Variants in MDGA2 observed in about 807,000 individuals in gnomAD.
MDGA2 encodes the protein MAM domain-containing glycosylphosphatidylinositol anchor protein 2.
In MDGA2, 40 loss-of-function variants were observed where a neutral mutation model predicts 117.8. The observed-to-expected ratio is 0.34, with a 90% CI of 0.26 to 0.44. The LOEUF (loss-of-function observed/expected upper bound fraction) is 0.44, where lower values mean the gene tolerates loss of function less well. MDGA2 is among the 20% of genes least tolerant of loss of function. The pLI, the probability that MDGA2 is intolerant of heterozygous loss-of-function variation, is 1.00. For synonymous variants in MDGA2, 452 were observed against 439.0 expected (o/e 1.03, Z -0.37); for missense variants, 1,123 against 1,250.6 (o/e 0.90, Z 1.54).
chr14:47,168,034 T>G (rs1883957887), intron 3 of MDGA2, among the ~76,000 whole-genome samples: 1 of 152,180 alleles, frequency 6.6e-6, no homozygotes, highest in South Asian at 2.1e-4. Context: ...CATTTTAAAC[T>G]GACCATTGTC....
chr14:47,474,599 C>T (rs1893797147), intron 1 of MDGA2, among the ~76,000 whole-genome samples: 1 of 152,140 alleles, frequency 6.6e-6, no homozygotes, highest in Non-Finnish European at 1.5e-5. Context: ...TACAATGCTA[C>T]AGTAACCAAA....
At chr14:47,413,521 T>C (rs1253153200) in intron 1 of MDGA2, among the ~76,000 whole-genome samples, 1 of 152,196 alleles carries the variant, frequency 6.6e-6, no homozygotes, top group African/African-American at 2.4e-5. Context: ...AATCTTGTTT[T>C]GCTAAATAAT....
intron 9 of MDGA2, among the ~76,000 whole-genome samples, chr14:46,942,095 CTCTT>C (rs763111260): frequency 2.0e-5 from 3 of 152,052 alleles, no homozygotes; most frequent in Non-Finnish European, 2.9e-5. Flanking sequence ...CATTCGCTGT[CTCTT>C]AATGCAAGAA....
intron 9 of MDGA2, among the ~76,000 whole-genome samples, chr14:46,952,487 G>A (rs1885404020): frequency 6.6e-6 from 1 of 151,928 alleles, no homozygotes; most frequent in African/African-American, 2.4e-5. Context: ...TAATTTTCTA[G>A]ACTGTTTAAA....
In MDGA2 at chr14:47,257,703, C is replaced by T. The variant is rs185049067; in HGVS notation, c.421-39508G>A. ...TGATTAGTGAATCACTTTTTATAGT[C>T]CAAGAACTCTACCCAGAAAGCGTCA... On this transcript the variant is annotated intron_variant, in intron 2 of 16. Transcript: ENST00000399232. 4.6e-4 allele frequency among the ~76,000 whole-genome samples: 70 copies of T among 152,130 alleles called. 2 individuals carry two copies. The East Asian group carries it at 8.9e-3, about 19-fold the overall frequency.
chr14:47,310,653 G>C (rs1187446567), intron 1 of MDGA2, among the ~76,000 whole-genome samples: 1 of 151,562 alleles, frequency 6.6e-6, no homozygotes, highest in Non-Finnish European at 1.5e-5. Context: ...ATCCTGAATT[G>C]TCTCCCACTA....
At chr14:47,065,316 C>A (rs1398666557) in intron 6 of MDGA2, among the ~76,000 whole-genome samples, 2 of 152,148 alleles carry the variant, frequency 1.3e-5, no homozygotes, top group East Asian at 3.9e-4. Flanking sequence ...TCAGGCTACA[C>A]AGATGTGCTG....
At chr14:47,206,433 GA>G (rs1049912021) in intron 3 of MDGA2, among the ~76,000 whole-genome samples, 1 of 150,130 alleles carries the variant, frequency 6.7e-6, no homozygotes, top group African/African-American at 2.4e-5. Context: ...TGTACAGAAA[GA>G]AAAAAAAATA....
chr14:46,959,154 T>C (rs1013653161), intron 8 of MDGA2, among the ~76,000 whole-genome samples: 52 of 152,246 alleles, frequency 3.4e-4, no homozygotes, highest in African/African-American at 1.2e-3. Context: ...GGTTATGCTA[T>C]TAAGTATATA....
chr14:47,571,959 T>G (rs961879152), intron 1 of MDGA2, among the ~76,000 whole-genome samples: 1 of 152,192 alleles, frequency 6.6e-6, no homozygotes, highest in Non-Finnish European at 1.5e-5. Flanking sequence ...TACATTCTTA[T>G]GCACACACAT....
chr14:47,499,526 A>T (rs1323355095), intron 1 of MDGA2, among the ~76,000 whole-genome samples: 1 of 152,178 alleles, frequency 6.6e-6, no homozygotes, highest in Non-Finnish European at 1.5e-5. Context: ...AGTATTTCAT[A>T]AATTGTAAAT....
At chr14:47,642,256 T>C (rs936861611) in intron 1 of MDGA2, among the ~76,000 whole-genome samples, 3 of 152,064 alleles carry the variant, frequency 2.0e-5, no homozygotes, top group Non-Finnish European at 4.4e-5. Context: ...TTGGTACTTA[T>C]CTCATTGGAC....
intron 1 of MDGA2, among the ~76,000 whole-genome samples, chr14:47,425,907 TC>T (rs11320091): frequency 0.41 from 60,675 of 149,446 alleles, 12,208 homozygotes; most frequent in South Asian, 0.57. Context: ...AAATGTATAG[TC>T]TTTTTTTTTT....
chr14:46,938,631 T>C (rs756107298), intron 9 of MDGA2, among the ~76,000 whole-genome samples: 16 of 149,928 alleles, frequency 1.1e-4, no homozygotes, highest in East Asian at 3.9e-4. Flanking sequence ...CTGGTGAAGA[T>C]TGCAAGAAAG....
chr14:47,038,555 TAATCTC>T (rs1888942026), intron 7 of MDGA2, among the ~76,000 whole-genome samples: 3 of 152,176 alleles, frequency 2.0e-5, no homozygotes, highest in African/African-American at 7.2e-5. Context: ...ACCTCAATTT[TAATCTC>T]AATAACATAA....
chr14:47,495,171 A>G (rs1237266894), intron 1 of MDGA2, among the ~76,000 whole-genome samples: 2 of 152,128 alleles, frequency 1.3e-5, no homozygotes, highest in African/African-American at 2.4e-5. Context: ...TCAGAAGCAG[A>G]AAGTCAAAAA....
chr14:47,654,201 A>C (rs1897697099), intron 1 of MDGA2, among the ~76,000 whole-genome samples: 1 of 152,194 alleles, frequency 6.6e-6, no homozygotes, highest in Non-Finnish European at 1.5e-5. Context: ...AATTCACCTG[A>C]AAAGTCAGCT....
intron 1 of MDGA2, among the ~76,000 whole-genome samples, chr14:47,339,194 G>C (rs886130650): frequency 1.3e-5 from 2 of 151,988 alleles, no homozygotes; most frequent in Admixed American, 6.6e-5. Context: ...AAAAGAATGA[G>C]GGAACTGGCA....
At chr14:47,655,018 C>CA (rs1897717496) in intron 1 of MDGA2, among the ~76,000 whole-genome samples, 1 of 152,026 alleles carries the variant, frequency 6.6e-6, no homozygotes, top group Non-Finnish European at 1.5e-5. Context: ...GCATTCTAGA[C>CA]AAAATGTAAG....
Sources: allele counts gnomAD v4.1 joint callset (sites outside exome capture counted in the v4.1 genomes callset), GRCh38; gene constraint gnomAD v4.1.1; transcripts MANE v1.5; gene names NCBI Gene and HGNC (gene_info 2026-07-23, HGNC 2026-07-21).